Variants in RAB11FIP4 observed in about 807,000 individuals in gnomAD.
RAB11FIP4 encodes the protein rab11 family-interacting protein 4.
In RAB11FIP4, 23 loss-of-function variants were observed where a neutral mutation model predicts 74.3. The observed-to-expected ratio is 0.31, with a 90% confidence interval of 0.22 to 0.44. RAB11FIP4 has a LOEUF of 0.44. Ranked by LOEUF, RAB11FIP4 falls within the 20% of genes least tolerant of loss-of-function variation. The pLI is 1.00. For synonymous variants in RAB11FIP4, 360 were observed against 359.9 expected (o/e 1.00, Z 0.00); for missense variants, 630 against 863.9 (o/e 0.73, Z 3.39).
chr17:31,476,922 C>T (rs1356514510), intron 3 of RAB11FIP4, among the ~76,000 whole-genome samples: 1 of 152,244 alleles, frequency 6.6e-6, no homozygotes, highest in East Asian at 1.9e-4. Context: ...GCACGGAGGC[C>T]AGCCAGTCTC....
chr17:31,496,223 T>C (rs1343607713), intron 3 of RAB11FIP4, among the ~76,000 whole-genome samples: 1 of 152,194 alleles, frequency 6.6e-6, no homozygotes, highest in Non-Finnish European at 1.5e-5. Flanking sequence ...CAACCTTGGA[T>C]TGGGCTTAGA....
At chr17:31,494,250 G>GT (rs1208868285) in intron 3 of RAB11FIP4, among the ~76,000 whole-genome samples, 1 of 149,260 alleles carries the variant, frequency 6.7e-6, no homozygotes, top group African/African-American at 2.5e-5. Flanking sequence ...TCTTAGACAA[G>GT]TTATTTAATT....
intron 3 of RAB11FIP4, among the ~76,000 whole-genome samples, chr17:31,491,927 A>T (rs943789284): frequency 6.6e-6 from 1 of 152,154 alleles, no homozygotes; most frequent in Non-Finnish European, 1.5e-5. Flanking sequence ...GTCCATGTGA[A>T]CGTGGAAACA....
chr17:31,478,283 G>A (rs1287462797), intron 3 of RAB11FIP4, among the ~76,000 whole-genome samples: 2 of 152,168 alleles, frequency 1.3e-5, no homozygotes, highest in African/African-American at 2.4e-5. Context: ...ATGAGCCACC[G>A]TGCCTGGCCA....
chr17:31,486,520 T>C (rs1015745620), intron 3 of RAB11FIP4, among the ~76,000 whole-genome samples: 1 of 152,204 alleles, frequency 6.6e-6, no homozygotes, highest in Non-Finnish European at 1.5e-5. Flanking sequence ...CAAGTAACCC[T>C]CCTGCTTTGG....
At chr17:31,502,442 G>T (rs1246696717) in intron 3 of RAB11FIP4, among the ~76,000 whole-genome samples, 2 of 151,916 alleles carry the variant, frequency 1.3e-5, no homozygotes, top group Non-Finnish European at 2.9e-5. Context: ...AGCTGGGCGT[G>T]CTGGTGGGCA....
At chr17:31,492,035 C>T (rs895628774) in intron 3 of RAB11FIP4, among the ~76,000 whole-genome samples, 3 of 152,224 alleles carry the variant, frequency 2.0e-5, no homozygotes, top group Admixed American at 6.5e-5. Flanking sequence ...GCTGCCTGGG[C>T]CTGCCTGCTG....
At position 31,534,051 on chromosome 17, in the gene RAB11FIP4, AG is replaced by A. The variant is rs1489024928; in HGVS notation, c.*2324del. ...TCTTCTGGGCTCAAAAGCTAGCTTGAGGGGGCAGATGCCCCAGGTGTCCCAG... is the reference window on the plus strand; with the variant it reads ...TCTTCTGGGCTCAAAAGCTAGCTTGAGGGGCAGATGCCCCAGGTGTCCCAG... On this transcript the variant is annotated 3_prime_UTR_variant, in exon 15 of 15. Transcript: ENST00000621161. 1.3e-5 allele frequency: 2 copies of A among 152,178 alleles called. No homozygotes were observed. The highest frequency in any genetic ancestry group is 1.5e-5 in the Non-Finnish European group (1 of 68,026). The allele number at this position is 152,178 out of a possible 1,614,324, so 9.4% of individuals were successfully genotyped here.
chr17:31,505,094 T>C (rs1483488028), intron 3 of RAB11FIP4, among the ~76,000 whole-genome samples: 1 of 152,074 alleles, frequency 6.6e-6, no homozygotes, highest in East Asian at 1.9e-4. Flanking sequence ...AGGCATCGCG[T>C]TGGGAGGCCA....
intron 3 of RAB11FIP4, among the ~76,000 whole-genome samples, chr17:31,457,642 T>C (rs980255229): frequency 1.3e-5 from 2 of 151,916 alleles, no homozygotes; most frequent in African/African-American, 4.8e-5. Flanking sequence ...AGCGGGAGCT[T>C]TGAAGGCTGT....
chr17:31,458,695 T>C (rs1020948803), intron 3 of RAB11FIP4, among the ~76,000 whole-genome samples: 22 of 152,150 alleles, frequency 1.4e-4, no homozygotes, highest in African/African-American at 4.8e-4. Flanking sequence ...AGCACAGAGG[T>C]GGAGGCAGTT....
intron 1 of RAB11FIP4, among the ~76,000 whole-genome samples, chr17:31,395,186 T>C (rs2070917371): frequency 6.6e-6 from 1 of 152,082 alleles, no homozygotes; most frequent in Admixed American, 6.6e-5. Context: ...TCATAAAGTA[T>C]GAAATAAATA....
At chr17:31,465,048 A>G (rs1388600466) in intron 3 of RAB11FIP4, among the ~76,000 whole-genome samples, 1 of 152,012 alleles carries the variant, frequency 6.6e-6, no homozygotes, top group Non-Finnish European at 1.5e-5. Flanking sequence ...TGTGAGCTAC[A>G]GTGCCTGGCC....
At chr17:31,463,831 T>TTTTTTTTTG (rs2071656861) in intron 3 of RAB11FIP4, among the ~76,000 whole-genome samples, 3 of 129,598 alleles carry the variant, frequency 2.3e-5, no homozygotes, top group Admixed American at 1.6e-4. Context: ...TTTTTTTTTT[T>TTTTTTTTTG]GAGACAGAGT....
chr17:31,453,371 AAAAAAAAAAC>A (rs1238625225), intron 3 of RAB11FIP4, among the ~76,000 whole-genome samples: 139 of 143,036 alleles, frequency 9.7e-4, no homozygotes, highest in African/African-American at 3.7e-3. Flanking sequence ...AAAAAAAAAA[AAAAAAAAAAC>A]AAACCTGGGG....
chr17:31,530,875 CTG>C, intron 14 of RAB11FIP4: 1 of 173,866 alleles, frequency 5.8e-6, no homozygotes, highest in South Asian at 1.4e-4. Context: ...CCTGATGACT[CTG>C]AGGCTTTAGG....
chr17:31,410,876 C>T (rs552049165), intron 1 of RAB11FIP4, among the ~76,000 whole-genome samples: 41 of 152,356 alleles, frequency 2.7e-4, no homozygotes, highest in African/African-American at 7.2e-4. Context: ...CTGGATTCCC[C>T]TCTCAGGGTC....
chr17:31,444,508 C>T (rs1172287984), intron 3 of RAB11FIP4, among the ~76,000 whole-genome samples: 1 of 152,234 alleles, frequency 6.6e-6, no homozygotes, highest in East Asian at 1.9e-4. Flanking sequence ...CCCTTTTGTT[C>T]GTTGCCTCAG....
rs141126075 is a variant in RAB11FIP4, at chr17:31,434,093, G to A, written c.307G>A (p.Ala103Thr). ...SVESAGTLPC[A>T]PEIPDCVEQG... ...GGAGAGCGCGGGGACGCTGCCGTGCGCGCCAGAGATCCCAGACTGCGTGGA... is the reference window on the plus strand; with the variant it reads ...GGAGAGCGCGGGGACGCTGCCGTGCACGCCAGAGATCCCAGACTGCGTGGA... The change falls in exon 3 of 15, where the codon GCG becomes ACG. Residue 103 changes from alanine to threonine, a missense_variant. By Grantham distance (58) the Ala-to-Thr change is moderately conservative. Coordinates refer to ENST00000621161, the MANE Select transcript of RAB11FIP4 (RefSeq NM_032932.6). 218 of 1,585,496 alleles carry A rather than the reference G, an allele frequency of 1.4e-4. No homozygotes were observed. Among genetic ancestry groups the A allele is most frequent in the Non-Finnish European group, 1.7e-4 (204 of 1,173,672 alleles).
Sources: gnomAD v4.1 joint callset for allele counts (sites outside exome capture counted in the v4.1 genomes callset) on GRCh38, gnomAD v4.1.1 for gene constraint, MANE v1.5 for transcripts, NCBI Gene and HGNC (gene_info 2026-07-23, HGNC 2026-07-21) for gene names.